Variants in ZNF264 observed in about 807,000 individuals in gnomAD.
ZNF264 encodes the protein zinc finger protein 264.
A neutral mutation model predicts 11.2 loss-of-function variants in ZNF264; 11 were observed. That is an observed-to-expected ratio of 0.98 (90% CI 0.62 to 1.63). The LOEUF (loss-of-function observed/expected upper bound fraction) is 1.63. Ranked by LOEUF, ZNF264 falls within the 40% of genes most tolerant of loss-of-function variation. ZNF264 has a pLI of 0.00. For missense variants in ZNF264, 752 were observed against 768.1 expected, an observed-to-expected ratio of 0.98 and a Z score of 0.25; for synonymous variants, 309 against 279.8, an observed-to-expected ratio of 1.10 and a Z score of -1.04.
rs1027939841 is a variant in ZNF264, at chr19:57,222,514, C to G, written c.*9533C>G. On this transcript the variant is annotated 3_prime_UTR_variant, in exon 4 of 4. Transcript: ENST00000263095. The stretch of plus-strand genomic sequence containing the variant: ...CCTAGTCTGCTCGCGTTCTCTCTCT[C>G]TCTCTCTCTATATATATATATGTAT... The G allele has an allele frequency of 1.7e-5, 2 of 114,586 alleles. No homozygotes were observed. The highest frequency in any genetic ancestry group is 8.3e-5 in the African/African-American group (2 of 24,218). 7.1% of individuals were successfully genotyped at this position (114,586 alleles called of 1,614,324 possible).
intron 3 of ZNF264, among the ~76,000 whole-genome samples, chr19:57,210,125 C>G (rs779245372): frequency 1.1e-4 from 16 of 152,180 alleles, no homozygotes; most frequent in South Asian, 2.1e-4. Context: ...GTCATCAACA[C>G]CATCCTGCAG....
chr19:57,191,855 G>T lies in ZNF264; in HGVS notation c.-59G>T. 1 of 1,262,378 alleles carries T rather than the reference G, an allele frequency of 7.9e-7. No individual in the cohort carries two copies. Among genetic ancestry groups the T allele is most frequent in the Non-Finnish European group, 1.0e-6 (1 of 996,874 alleles). The allele number at this position is 1,262,378 out of a possible 1,614,324, so 78.2% of individuals were successfully genotyped here. A position where few individuals can be genotyped will look rare whatever the true frequency, so the allele number is the denominator to read the frequency against. ...ACCGGCCAGGGTCGGGCACAGGTGG[G>T]GTCCGTCAGGCCGCCCGGGGCTCCT... is the stretch of plus-strand genomic sequence containing the variant. On this transcript the variant is annotated 5_prime_UTR_variant, in exon 1 of 4. Coordinates refer to ENST00000263095, the MANE Select transcript of ZNF264 (RefSeq NM_003417.5).
chr19:57,200,329 T>C (rs1292995130), intron 2 of ZNF264, among the ~76,000 whole-genome samples: 1 of 151,566 alleles, frequency 6.6e-6, no homozygotes, highest in Non-Finnish European at 1.5e-5. Flanking sequence ...TGATGAACCT[T>C]TTTTGCCATC....
In ZNF264 at chr19:57,212,097, TA is replaced by T. The variant is rs1411563902; in HGVS notation, c.1001del (p.Tyr334LeufsTer53). On this transcript the variant is annotated frameshift_variant, in exon 4 of 4. Transcript: ENST00000263095. LOFTEE classifies it low-confidence loss of function (END_TRUNC). ...ACATAGGCCAGGCTTTCTCCGGCAC[TA>T]TGTTGTCCACAGTGGTGAGAATCCC... is the stretch of plus-strand genomic sequence containing the variant. ...FRHRPGFLRH[Y>X]VVHSGENPYE... The T allele has an allele frequency of 6.2e-7, 1 of 1,614,014 alleles. No homozygotes were observed. The highest frequency in any genetic ancestry group is 8.5e-7 in the Non-Finnish European group (1 of 1,180,042).
chr19:57,207,464 A>G (rs906250561), intron 3 of ZNF264, among the ~76,000 whole-genome samples: 1 of 151,254 alleles, frequency 6.6e-6, no homozygotes, highest in South Asian at 2.1e-4. Flanking sequence ...TTTCATGGAC[A>G]TCCTTTCTTC....
chr19:57,197,670 C>T (rs942755108), intron 2 of ZNF264, among the ~76,000 whole-genome samples: 1 of 151,898 alleles, frequency 6.6e-6, no homozygotes, highest in African/African-American at 2.4e-5. Flanking sequence ...GCTGGAGTGG[C>T]ATACCCAAAT....
Position 57,212,475 on chromosome 19 carries a change from T to A in ZNF264, c.1378T>A (p.Cys460Ser). 1 of 1,613,454 alleles carries A rather than the reference T, an allele frequency of 6.2e-7. No homozygotes were observed. Among genetic ancestry groups the A allele is most frequent in the Non-Finnish European group, 8.5e-7 (1 of 1,179,872 alleles). Residue 460 changes from cysteine to serine, a missense_variant, in exon 4 of 4, where the codon TGT becomes AGT. By Grantham distance (112) the Cys-to-Ser change is moderately radical. Coordinates refer to ENST00000263095, the MANE Select transcript of ZNF264 (RefSeq NM_003417.5). ...TGEKPFECKE[C>S]GKAFSNRKDL... is the part of the protein sequence containing the mutation. ...AGAAAAGCCTTTCGAGTGCAAAGAG[T>A]GTGGGAAAGCCTTTAGCAATCGGAA...
At chr19:57,195,205 C>T (rs546250614) in intron 2 of ZNF264, among the ~76,000 whole-genome samples, 5 of 152,270 alleles carry the variant, frequency 3.3e-5, no homozygotes, top group South Asian at 2.1e-4. Context: ...TTCATGCAAC[C>T]GAAACACACT....
chr19:57,213,359 CA>C lies in ZNF264; in HGVS notation c.*379del, dbSNP rs1368464191. The C allele has an allele frequency of 5.8e-6, 1 of 171,546 alleles. No homozygotes were observed. The highest frequency in any genetic ancestry group is 2.4e-5 in the African/African-American group (1 of 41,858). 10.6% of individuals were successfully genotyped at this position (171,546 alleles called of 1,614,324 possible). A position where few individuals can be genotyped will look rare whatever the true frequency, so the allele number is the denominator to read the frequency against. ...CATTTATTGCTATCCAGTGTCAGAA[CA>C]GTTAGTTTAGGAAAAGTATGCAAAC... On this transcript the variant is annotated 3_prime_UTR_variant, in exon 4 of 4. Coordinates refer to ENST00000263095, the MANE Select transcript of ZNF264 (RefSeq NM_003417.5).
chr19:57,199,079 A>G, intron 2 of ZNF264, among the ~76,000 whole-genome samples: 1 of 151,984 alleles, frequency 6.6e-6, no homozygotes, highest in East Asian at 1.9e-4. Flanking sequence ...AACGCCAGAG[A>G]TCTACATGAG....
intron 3 of ZNF264, among the ~76,000 whole-genome samples, chr19:57,207,370 C>T (rs1457773760): frequency 6.6e-6 from 1 of 152,060 alleles, no homozygotes; most frequent in Non-Finnish European, 1.5e-5. Flanking sequence ...CTTACATGTT[C>T]ATCTCAACTT....
rs2087387078 is a variant in ZNF264 at position 57,217,339 on chromosome 19, A to C, written c.*4358A>C. The C allele has an allele frequency of 1.3e-5, 2 of 152,180 alleles. No individual in the cohort carries two copies. The highest frequency in any genetic ancestry group is 4.8e-5 in the African/African-American group (2 of 41,438). The allele number at this position is 152,180 out of a possible 1,614,324, so 9.4% of individuals were successfully genotyped here. On this transcript the variant is annotated 3_prime_UTR_variant, in exon 4 of 4. Coordinates refer to ENST00000263095, the MANE Select transcript of ZNF264 (RefSeq NM_003417.5). ...CACTTTACTTCCATTAGGTTCCTTT[A>C]GCTTACCTACTAATGTAACTATCTT...
intron 3 of ZNF264, among the ~76,000 whole-genome samples, chr19:57,210,143 G>A (rs796233274): frequency 2.0e-5 from 3 of 152,122 alleles, no homozygotes; most frequent in Non-Finnish European, 4.4e-5. Flanking sequence ...CAGTTTCTTT[G>A]TACTTTCTGT....
chr19:57,212,193 A>C lies in ZNF264; in HGVS notation c.1096A>C (p.Thr366Pro). ...TCTCATGTGGCACCAGCAGACTCAT[A>C]CCGGGGAGAAGCCCTATGAGTGCAG... ...SYLMWHQQTH[T>P]GEKPYECSEC... Residue 366 changes from threonine to proline, a missense_variant, in exon 4 of 4, where the codon ACC (threonine) becomes CCC (proline). Thr to Pro is a conservative substitution (Grantham distance 38). Coordinates refer to ENST00000263095, the MANE Select transcript of ZNF264 (RefSeq NM_003417.5). 6.2e-7 allele frequency: 1 copy of C among 1,614,190 alleles called. No homozygotes were observed. Among genetic ancestry groups the C allele is most frequent in the Non-Finnish European group, 8.5e-7 (1 of 1,180,024 alleles).
chr19:57,191,967 C>T (rs772280219), intron 1 of ZNF264, 21 bp downstream of exon 1: 2 of 1,527,550 alleles, frequency 1.3e-6, no homozygotes, highest in Non-Finnish European at 1.8e-6. Context: ...GGTGGCTTCG[C>T]GGTTGCCGCT....
rs145721137 is a variant in ZNF264, at chr19:57,200,099, G to A, written c.161-5298G>A. 7.8e-3 allele frequency among the ~76,000 whole-genome samples: 1,188 copies of A among 151,888 alleles called. 42 individuals carry two copies. The highest frequency in any genetic ancestry group is 0.027 in the African/African-American group (1,102 of 41,200). On this transcript the variant is annotated intron_variant, in intron 2 of 3. Coordinates refer to ENST00000263095, the MANE Select transcript of ZNF264 (RefSeq NM_003417.5). ...CAAATCTGCTAAGATTGCCCTGAGT[G>A]AGTCTTATCTCCTGTAGAGAAAAAG...
At chr19:57,208,349 G>A (rs1016864722) in intron 3 of ZNF264, among the ~76,000 whole-genome samples, 3 of 151,924 alleles carry the variant, frequency 2.0e-5, no homozygotes, top group African/African-American at 7.3e-5. Flanking sequence ...GTTTGAGACC[G>A]GCCTGGGAAA....
At position 57,216,897 on chromosome 19, in the gene ZNF264, T is replaced by C. The variant is rs1268701176; in HGVS notation, c.*3916T>C. The C allele has an allele frequency of 6.6e-6, 1 of 152,006 alleles. No homozygotes were observed. Among genetic ancestry groups the C allele is most frequent in the Admixed American group, 6.6e-5 (1 of 15,246 alleles). The allele number at this position is 152,006 out of a possible 1,614,324, so 9.4% of individuals were successfully genotyped here. ...TTTTAATAATTTGATTTGATACATATGTAGTGTTTTTTAGTATAGATCCTC... is the reference window on the plus strand; with the variant it reads ...TTTTAATAATTTGATTTGATACATACGTAGTGTTTTTTAGTATAGATCCTC... On this transcript the variant is annotated 3_prime_UTR_variant, in exon 4 of 4. Transcript: ENST00000263095.
chr19:57,202,080 A>C (rs1385065750), intron 2 of ZNF264, among the ~76,000 whole-genome samples: 1 of 151,814 alleles, frequency 6.6e-6, no homozygotes, highest in African/African-American at 2.4e-5. Context: ...GTGGTGGCAC[A>C]TGCCTGTAGT....
Sources: gnomAD v4.1 joint callset for allele counts (sites outside exome capture counted in the v4.1 genomes callset) on GRCh38, gnomAD v4.1.1 for gene constraint, MANE v1.5 for transcripts, NCBI Gene and HGNC (gene_info 2026-07-23, HGNC 2026-07-21) for gene names.